Variants in CDH7 observed in about 807,000 individuals in gnomAD.
The protein encoded by CDH7 is cadherin 7.
Under a neutral mutation model 71.8 loss-of-function variants are expected in CDH7, and 25 were observed. That is an observed-to-expected ratio of 0.35 (90% CI 0.25 to 0.49). CDH7 has a LOEUF of 0.49. Among genes scored for constraint, CDH7 ranks in the 20% least tolerant of loss-of-function variants. The pLI, the probability that CDH7 is intolerant of heterozygous loss-of-function variation, is 0.99. For missense variants in CDH7, 862 were observed against 974.6 expected (o/e 0.88, Z 1.54); for synonymous variants, 381 against 363.8 (o/e 1.05, Z -0.54).
chr18:65,776,361 AACACACACAC>A lies in CDH7; in HGVS notation c.210+13341_210+13350del, dbSNP rs66695422. The stretch of plus-strand genomic sequence containing the variant: ...AATCACACATTTGAAGAAAGTACAG[AACACACACAC>A]ACACACACACACACACACACACACA... On this transcript the variant is annotated intron_variant, in intron 2 of 11. Transcript: ENST00000397968. 1.1e-3 allele frequency among the ~76,000 whole-genome samples: 151 copies of A among 139,726 alleles called. 2 individuals carry two copies. The highest frequency in any genetic ancestry group is 3.2e-3 in the African/African-American group (118 of 37,434). The allele number at this position is 139,726 out of a possible 152,430, so 91.7% of individuals were successfully genotyped here. A position where few individuals can be genotyped will look rare whatever the true frequency, so the allele number is the denominator to read the frequency against.
At chr18:65,823,654 C>T (rs1377969671) in intron 5 of CDH7, among the ~76,000 whole-genome samples, 1 of 151,830 alleles carries the variant, frequency 6.6e-6, no homozygotes, top group African/African-American at 2.4e-5. Context: ...ATTTAAAAAA[C>T]AAACAGTAAC....
chr18:65,866,531 C>T (rs1041971367), intron 11 of CDH7: 3 of 152,076 alleles, frequency 2.0e-5, no homozygotes, highest in Non-Finnish European at 4.4e-5. Flanking sequence ...TCAATGCTAA[C>T]CCAAACCTTA....
chr18:65,750,495 C>T (rs889910092), upstream of CDH7: 1 of 152,304 alleles, frequency 6.6e-6, no homozygotes, highest in Admixed American at 6.5e-5. Flanking sequence ...CCTACTTTCA[C>T]CCCTCTTCTT....
At chr18:65,807,140 A>C (rs576390670) in intron 2 of CDH7, among the ~76,000 whole-genome samples, 11 of 152,112 alleles carry the variant, frequency 7.2e-5, no homozygotes, top group Non-Finnish European at 1.6e-4. Flanking sequence ...ATGGGTAGGT[A>C]ATAGAAGAGA....
In CDH7 at chr18:65,885,459, G is replaced by C. The variant is rs919724744; in HGVS notation, c.*4565G>C. On this transcript the variant is annotated 3_prime_UTR_variant, in exon 12 of 12. Coordinates refer to ENST00000397968, the MANE Select transcript of CDH7 (RefSeq NM_004361.5). ...GTGGTGCGATCTCGGCTCACTGCAA[G>C]CTCCGCCTCCAGGGTTCACACCGTT... is the stretch of plus-strand genomic sequence containing the variant. The C allele has an allele frequency of 1.5e-5, 2 of 136,682 alleles. No homozygotes were observed. The highest frequency in any genetic ancestry group is 5.4e-5 in the African/African-American group (2 of 37,212). 8.5% of individuals were successfully genotyped at this position (136,682 alleles called of 1,614,324 possible).
chr18:65,763,036 C>T lies in CDH7; in HGVS notation c.194C>T (p.Pro65Leu). 6.2e-7 allele frequency: 1 copy of T among 1,610,544 alleles called. No homozygotes were observed. Among genetic ancestry groups the T allele is most frequent in the Non-Finnish European group, 8.5e-7 (1 of 1,177,720 alleles). ...CTGGAGGAATACATGGGTTCAGACC[C>T]CCTCTATGTAGGAAAGGTAGGGTAT... ...FVLEEYMGSD[P>L]LYVGKLHSDV... Residue 65 changes from proline (P) to leucine (L), a missense_variant, in exon 2 of 12, where the codon CCC becomes CTC. By Grantham distance (98) the Pro-to-Leu change is moderately conservative (BLOSUM62 -3). Transcript: ENST00000397968.
intron 4 of CDH7, among the ~76,000 whole-genome samples, chr18:65,820,858 T>C (rs1281354850): frequency 6.6e-6 from 1 of 152,116 alleles, no homozygotes; most frequent in African/African-American, 2.4e-5. Flanking sequence ...TACTGATTAG[T>C]TGAGGGGTTA....
intron 2 of CDH7, among the ~76,000 whole-genome samples, chr18:65,794,193 T>G (rs1910822298): frequency 6.6e-6 from 1 of 151,914 alleles, no homozygotes; most frequent in Non-Finnish European, 1.5e-5. Flanking sequence ...TTTGTGGTAG[T>G]ATATAAGATT....
chr18:65,859,425 A>G (rs948184013), intron 9 of CDH7, among the ~76,000 whole-genome samples: 21 of 152,172 alleles, frequency 1.4e-4, no homozygotes, highest in East Asian at 3.9e-4. Flanking sequence ...TTGTTCATCT[A>G]TTGTTCAGTG....
At chr18:65,847,035 C>CACTT (rs1568217178) in intron 7 of CDH7, among the ~76,000 whole-genome samples, 1 of 152,068 alleles carries the variant, frequency 6.6e-6, no homozygotes, top group Non-Finnish European at 1.5e-5. Context: ...TGTACTCACG[C>CACTT]GTATTCCAAT....
intron 2 of CDH7, among the ~76,000 whole-genome samples, chr18:65,790,818 G>C (rs4941350): frequency 0.026 from 4,002 of 152,244 alleles, 63 homozygotes; most frequent in Admixed American, 0.042. Flanking sequence ...GCAGTAAGCC[G>C]AGATTGCATC....
intron 6 of CDH7, among the ~76,000 whole-genome samples, chr18:65,831,460 C>T (rs1053580794): frequency 2.6e-5 from 4 of 152,120 alleles, no homozygotes; most frequent in Admixed American, 6.6e-5. Flanking sequence ...AAAATATTTG[C>T]TTACCATTTT....
At chr18:65,851,629 T>G (rs1239064297) in intron 7 of CDH7, among the ~76,000 whole-genome samples, 1 of 152,216 alleles carries the variant, frequency 6.6e-6, no homozygotes, top group African/African-American at 2.4e-5. Context: ...CACAGATGTA[T>G]GAGATATGGT....
intron 7 of CDH7, among the ~76,000 whole-genome samples, chr18:65,857,496 G>A (rs952833538): frequency 9.9e-5 from 15 of 151,576 alleles, no homozygotes; most frequent in African/African-American, 3.6e-4. Flanking sequence ...GCAAGACCCT[G>A]TATCAAAAAT....
intron 2 of CDH7, among the ~76,000 whole-genome samples, chr18:65,768,458 A>T (rs545784210): frequency 3.3e-5 from 5 of 151,550 alleles, no homozygotes; most frequent in Non-Finnish European, 7.4e-5. Context: ...CTGGTTTCGA[A>T]CTCCTGACTT....
chr18:65,866,524 A>G (rs554900226), intron 11 of CDH7: 11 of 152,254 alleles, frequency 7.2e-5, no homozygotes, highest in African/African-American at 2.2e-4. Flanking sequence ...CCACGTATCA[A>G]TGCTAACCCA....
chr18:65,862,815 G>T lies in CDH7; in HGVS notation c.1762G>T (p.Asp588Tyr). 6.2e-7 allele frequency: 1 copy of T among 1,614,184 alleles called. No homozygotes were observed. The highest frequency in any genetic ancestry group is 8.5e-7 in the Non-Finnish European group (1 of 1,180,018). Residue 588 changes from aspartate to tyrosine, a missense_variant, in exon 11 of 12, where the codon GAC becomes TAC. Physicochemically the swap from Asp to Tyr is radical, Grantham distance 160. Transcript: ENST00000397968. ...LTIRVCDCDA[D>Y]GVAQTCNAEA... ...CATCCGCGTGTGTGACTGTGATGCT[G>T]ACGGCGTAGCCCAGACCTGCAATGC...
chr18:65,862,596 C>T (rs1254776110), intron 10 of CDH7, 70 bp from the exon 11 acceptor site: 8 of 1,485,152 alleles, frequency 5.4e-6, no homozygotes, highest in Non-Finnish European at 6.4e-6. Flanking sequence ...AATAGAGTGA[C>T]TTAAATAAAG....
At chr18:65,810,390 T>C (rs568853164) in intron 3 of CDH7, among the ~76,000 whole-genome samples, 1 of 152,302 alleles carries the variant, frequency 6.6e-6, no homozygotes, top group Admixed American at 6.5e-5. Context: ...GATATTAAGA[T>C]ATTGATTCAT....
Sources: gnomAD v4.1 joint callset for allele counts (sites outside exome capture counted in the v4.1 genomes callset) on GRCh38, gnomAD v4.1.1 for gene constraint, MANE v1.5 for transcripts, NCBI Gene and HGNC (gene_info 2026-07-23, HGNC 2026-07-21) for gene names.